The following C8orf34 variants were observed in gnomAD, a reference collection of about 807,000 sequenced individuals.
C8orf34 encodes the protein uncharacterized protein C8orf34.
C8orf34 carries 65 observed loss-of-function variants against 68.3 expected under a neutral mutation model. That is an observed-to-expected ratio of 0.95 (90% CI 0.78 to 1.17). The LOEUF (loss-of-function observed/expected upper bound fraction) is 1.17, where lower values mean the gene tolerates loss of function less well. Among genes scored for constraint, C8orf34 ranks in the 50% most tolerant of loss-of-function variants. The pLI is 0.00. For synonymous variants in C8orf34, 244 were observed against 241.2 expected (o/e 1.01, Z -0.11); for missense variants, 664 against 655.4 (o/e 1.01, Z -0.14).
chr8:68,523,026 A>G (rs1814824934), intron 6 of C8orf34, among the ~76,000 whole-genome samples: 1 of 152,200 alleles, frequency 6.6e-6, no homozygotes, highest in African/African-American at 2.4e-5. Flanking sequence ...GGAGGGAAGG[A>G]AATTCAGAAT....
At chr8:68,723,813 A>T (rs531455263) in intron 10 of C8orf34, among the ~76,000 whole-genome samples, 2 of 152,282 alleles carry the variant, frequency 1.3e-5, no homozygotes, top group South Asian at 2.1e-4. Flanking sequence ...AAGAAAAAAG[A>T]AATTAGCTTT....
At chr8:68,543,157 C>T (rs1815755622) in intron 7 of C8orf34, among the ~76,000 whole-genome samples, 1 of 152,010 alleles carries the variant, frequency 6.6e-6, no homozygotes. Context: ...AATATGCTTT[C>T]ATGGTTTAAT....
At chr8:68,535,404 G>A in intron 7 of C8orf34, 1 of 984,014 alleles carries the variant, frequency 1.0e-6, no homozygotes, top group Non-Finnish European at 1.2e-6. Context: ...TATTATGCAT[G>A]GAAAGCACTC....
intron 8 of C8orf34, among the ~76,000 whole-genome samples, chr8:68,642,449 ATTTTTTCCC>A (rs1819040133): frequency 2.0e-5 from 3 of 152,124 alleles, no homozygotes; most frequent in Non-Finnish European, 4.4e-5. Flanking sequence ...AGAATCTGAG[ATTTTTTCCC>A]ATTTGGAGCT....
chr8:68,611,960 T>C (rs1251561471), intron 7 of C8orf34, among the ~76,000 whole-genome samples: 1 of 152,148 alleles, frequency 6.6e-6, no homozygotes, highest in Non-Finnish European at 1.5e-5. Context: ...GGCTTTGTTT[T>C]CAAATACCAT....
chr8:68,402,585 G>A (rs72664929), intron 1 of C8orf34, among the ~76,000 whole-genome samples: 5 of 151,980 alleles, frequency 3.3e-5, no homozygotes, highest in East Asian at 1.9e-4. Flanking sequence ...TGTATTGCAC[G>A]GCTTTTGTTA....
At chr8:68,603,196 C>T (rs574257970) in intron 7 of C8orf34, among the ~76,000 whole-genome samples, 1 of 152,130 alleles carries the variant, frequency 6.6e-6, no homozygotes, top group Non-Finnish European at 1.5e-5. Context: ...AGCTACTCCC[C>T]CTTGGCTAGG....
rs535808751 is a variant in C8orf34, at chr8:68,634,724, C to T, written c.1106-5652C>T. ...ACCAAATTTTTTATGGTTCTGTCAC[C>T]TTTTAGAGCTTGGTAAGTATTCAGT... On this transcript the variant is annotated intron_variant, in intron 7 of 13. Transcript: ENST00000518698. Among the ~76,000 whole-genome samples, 36 of 152,154 alleles carry T rather than the reference C, an allele frequency of 2.4e-4. 1 individual carries two copies. In the South Asian group the frequency reaches 7.3e-3, roughly 31 times the overall value.
rs560925554 is a variant in C8orf34 at position 68,638,168 on chromosome 8, T to C, written c.1106-2208T>C. 2.2e-4 allele frequency among the ~76,000 whole-genome samples: 33 copies of C among 152,334 alleles called. No homozygotes were observed. The South Asian group carries it at 6.6e-3, about 31-fold the overall frequency. On this transcript the variant is annotated intron_variant, in intron 7 of 13. Transcript: ENST00000518698. ...CTCCCTCTGAAAGTCTCCAGTCAGC[T>C]GTCTACTCTGAAGATTTAAGATTGT...
intron 7 of C8orf34, among the ~76,000 whole-genome samples, chr8:68,614,435 A>C (rs2130584477): frequency 6.6e-6 from 1 of 152,252 alleles, no homozygotes; most frequent in Admixed American, 6.5e-5. Flanking sequence ...CTAACATTTA[A>C]GTCTTTAATC....
chr8:68,746,561 G>A (rs765897914), intron 10 of C8orf34, among the ~76,000 whole-genome samples: 11,978 of 136,308 alleles, frequency 0.088, 699 homozygotes, highest in Middle Eastern at 0.18. Context: ...TATCACCACC[G>A]ATCCCACAGA....
intron 8 of C8orf34, among the ~76,000 whole-genome samples, chr8:68,651,203 C>A (rs1819348387): frequency 6.6e-6 from 1 of 152,028 alleles, no homozygotes; most frequent in South Asian, 2.1e-4. Context: ...TCCATAAAAC[C>A]TTTTCCCAAG....
chr8:68,466,424 A>G (rs1433748528), intron 3 of C8orf34, among the ~76,000 whole-genome samples: 1 of 152,072 alleles, frequency 6.6e-6, no homozygotes, highest in Non-Finnish European at 1.5e-5. Flanking sequence ...TGATTAATTA[A>G]TTAACATTGT....
chr8:68,817,257 A>G (rs1824847839), intron 13 of C8orf34, among the ~76,000 whole-genome samples: 1 of 152,188 alleles, frequency 6.6e-6, no homozygotes, highest in Non-Finnish European at 1.5e-5. Context: ...TATGCATATC[A>G]GGAGAGTTCT....
rs1824897614 is a variant in C8orf34 at position 68,818,897 on chromosome 8, A to G, written c.*651A>G. 1.3e-5 allele frequency: 2 copies of G among 152,202 alleles called. No individual in the cohort carries two copies. Among genetic ancestry groups the G allele is most frequent in the African/African-American group, 2.4e-5 (1 of 41,456 alleles). The allele number at this position is 152,202 out of a possible 1,614,324, so 9.4% of individuals were successfully genotyped here. A position where few individuals can be genotyped will look rare whatever the true frequency, so the allele number is the denominator to read the frequency against. On this transcript the variant is annotated 3_prime_UTR_variant, in exon 14 of 14. Coordinates refer to ENST00000518698, the MANE Select transcript of C8orf34 (RefSeq NM_052958.4). ...AAACATAGAAAATGAAAATCGTTTG[A>G]CCATTTATCCAATTATTGAACCCAA... is the stretch of plus-strand genomic sequence containing the variant.
rs984733711 is a variant in C8orf34 at position 68,417,463 on chromosome 8, T to C, written c.328-22036T>C. On this transcript the variant is annotated intron_variant, in intron 1 of 13. Coordinates refer to ENST00000518698, the MANE Select transcript of C8orf34 (RefSeq NM_052958.4). ...AGGAGAATATTGAATATTATACTGCTGGTTTTCACTGTATGTCCTGATATA... is the reference window on the plus strand; with the variant it reads ...AGGAGAATATTGAATATTATACTGCCGGTTTTCACTGTATGTCCTGATATA... Among the ~76,000 whole-genome samples, 7 of 152,178 alleles carry C rather than the reference T, an allele frequency of 4.6e-5. No homozygotes were observed. The South Asian group carries it at 1.4e-3, about 31-fold the overall frequency.
chr8:68,464,131 A>G (rs1811989699), intron 3 of C8orf34, among the ~76,000 whole-genome samples: 1 of 152,204 alleles, frequency 6.6e-6, no homozygotes, highest in Non-Finnish European at 1.5e-5. Flanking sequence ...AATCACAAGC[A>G]TTCTTATACA....
At chr8:68,560,194 G>A (rs1816379258) in intron 7 of C8orf34, among the ~76,000 whole-genome samples, 1 of 151,496 alleles carries the variant, frequency 6.6e-6, no homozygotes. Context: ...ACTGGAAGAT[G>A]TATTGGAGAG....
intron 10 of C8orf34, among the ~76,000 whole-genome samples, chr8:68,773,254 C>A (rs1823405279): frequency 6.6e-6 from 1 of 152,130 alleles, no homozygotes; most frequent in Admixed American, 6.5e-5. Context: ...AGCCTCTTGA[C>A]TTGGGCCATC....
Sources: allele counts gnomAD v4.1 joint callset (sites outside exome capture counted in the v4.1 genomes callset), GRCh38; gene constraint gnomAD v4.1.1; transcripts MANE v1.5; gene names NCBI Gene and HGNC (gene_info 2026-07-23, HGNC 2026-07-21).